Variants in MYO15A observed in about 807,000 individuals in gnomAD.
MYO15A encodes unconventional myosin-XV.
Under a neutral mutation model 394.6 loss-of-function variants are expected in MYO15A, and 308 were observed. That is an observed-to-expected ratio of 0.78 (90% CI 0.71 to 0.86). The LOEUF (loss-of-function observed/expected upper bound fraction) is 0.86, where lower values mean the gene tolerates loss of function less well. Ranked by LOEUF, MYO15A falls within the 40% of genes least tolerant of loss-of-function variation. MYO15A has a pLI of 0.00. For missense variants in MYO15A, 4,606 were observed against 4,799.1 expected, an observed-to-expected ratio of 0.96 and a Z score of 1.19; for synonymous variants, 1,957 against 2,003.8, an observed-to-expected ratio of 0.98 and a Z score of 0.62.
intron 51 of MYO15A, 31 bp downstream of exon 51, chr17:18,157,931 G>GGGGGCCC: frequency 2.4e-6 from 1 of 412,718 alleles, no homozygotes; most frequent in Non-Finnish European, 4.5e-6. Flanking sequence ...GTGGGGCGGG[G>GGGGGCCC]TAGACCAGGG....
intron 7 of MYO15A, 123 bp downstream of exon 7, chr17:18,127,288 G>A: frequency 2.4e-6 from 3 of 1,233,830 alleles, no homozygotes; most frequent in African/African-American, 1.5e-5. Flanking sequence ...AGTTCCAGAA[G>A]GGGGCCTTGC....
At chr17:18,158,860 AT>A in intron 52 of MYO15A, 64 bp from the exon 53 acceptor site, 1 of 1,590,342 alleles carries the variant, frequency 6.3e-7, no homozygotes, top group South Asian at 1.1e-5. Flanking sequence ...GTTCTTTCCC[AT>A]GTGGAAAAGG....
In MYO15A at chr17:18,119,812, C is replaced by T; in HGVS notation, c.1012C>T (p.Pro338Ser). ...YHDGYEGEAHPYGYYLDPYAP... is the reference protein window; with the variant it reads ...YHDGYEGEAHSYGYYLDPYAP... ...CGATGGGTACGAGGGCGAGGCGCACCCTTATGGCTACTACCTGGATCCCTA... is the reference window on the plus strand; with the variant it reads ...CGATGGGTACGAGGGCGAGGCGCACTCTTATGGCTACTACCTGGATCCCTA... The change falls in exon 2 of 66, where the codon CCT (proline) becomes TCT (serine). Residue 338 changes from proline to serine, a missense_variant. Pro to Ser is a moderately conservative substitution (Grantham distance 74). Coordinates refer to ENST00000647165, the MANE Select transcript of MYO15A (RefSeq NM_016239.4). The T allele has an allele frequency of 6.2e-7, 1 of 1,613,166 alleles. No individual in the cohort carries two copies. The highest frequency in any genetic ancestry group is 1.3e-5 in the African/African-American group (1 of 75,034).
At chr17:18,141,619 C>T (rs2142339037) in intron 22 of MYO15A, 34 bp from the exon 23 acceptor site, 3 of 1,601,706 alleles carry the variant, frequency 1.9e-6, no homozygotes, top group South Asian at 2.2e-5. Context: ...GGGTAGGTCT[C>T]ATAGCCCCAG....
At position 18,157,781 on chromosome 17, in the gene MYO15A, C is replaced by T. The variant is rs1223201191; in HGVS notation, c.8848C>T (p.Pro2950Ser). ...VGRFPSELVQ[P>S]AAAPDFLQLP... ...CCGCTTCCCTTCGGAGCTGGTGCAG[C>T]CCGCTGCTGCCCCCGACTTCCTGCA... The change falls in exon 51 of 66, where the codon CCC becomes TCC. Residue 2950 changes from proline to serine, a missense_variant. Transcript: ENST00000647165. The T allele has an allele frequency of 6.2e-7, 1 of 1,604,418 alleles. No homozygotes were observed. The highest frequency in any genetic ancestry group is 1.7e-5 in the Admixed American group (1 of 59,992).
rs854792 is a variant in MYO15A at position 18,126,926 on chromosome 17, T to C, written c.3941+61T>C. On this transcript the variant is annotated intron_variant, in intron 6 of 65. Coordinates refer to ENST00000647165, the MANE Select transcript of MYO15A (RefSeq NM_016239.4). ...GGACCTTAGGTAGCAGGCCTGCATC[T>C]GGCCAGAACTGCTGTGGGACCTTGG... The C allele has an allele frequency of 0.32, 518,429 of 1,603,538 alleles. 90,300 individuals are homozygous for C. Among genetic ancestry groups the C allele is most frequent in the South Asian group, 0.66 (60,122 of 90,888 alleles).
In MYO15A at chr17:18,119,543, G is replaced by C. The variant is rs562862820; in HGVS notation, c.743G>C (p.Arg248Pro). 1.9e-6 allele frequency: 3 copies of C among 1,608,636 alleles called. No individual in the cohort carries two copies. Among genetic ancestry groups the C allele is most frequent in the East Asian group, 2.2e-5 (1 of 44,854 alleles). ...YHRDGDDYYD[R>P]QSLHRYEEQE... Reference sequence around the variant, plus strand: ...CGCGACGGCGACGACTACTACGACCGGCAGTCACTCCACCGCTACGAGGAG... The same window carrying C: ...CGCGACGGCGACGACTACTACGACCCGCAGTCACTCCACCGCTACGAGGAG... Residue 248 changes from arginine to proline, a missense_variant, in exon 2 of 66, where the codon CGG becomes CCG. Transcript: ENST00000647165.
intron 12 of MYO15A, among the ~76,000 whole-genome samples, chr17:18,133,720 C>T (rs998875169): frequency 1.3e-5 from 2 of 150,776 alleles, no homozygotes; most frequent in Non-Finnish European, 3.0e-5. Context: ...TTGGCTCACT[C>T]CTGTTGGCTC....
At chr17:18,157,933 A>T in intron 51 of MYO15A, 33 bp downstream of exon 51, 2 of 1,410,386 alleles carry the variant, frequency 1.4e-6, no homozygotes, top group African/African-American at 1.4e-5. Context: ...GGGGCGGGGT[A>T]GACCAGGGGG....
Position 18,142,751 on chromosome 17 carries a change from C to A in MYO15A, c.5826-5C>A. On this transcript the variant is annotated splice_polypyrimidine_tract_variant and splice_region_variant and intron_variant, in intron 24 of 65. Coordinates refer to ENST00000647165, the MANE Select transcript of MYO15A (RefSeq NM_016239.4). The stretch of plus-strand genomic sequence containing the variant: ...ATCCCTGACCTCCCCACTACCCCAA[C>A]CCAGGCAACGCTATCAGCAGATGAG... 1 of 1,613,400 alleles carries A rather than the reference C, an allele frequency of 6.2e-7. No homozygotes were observed. Among genetic ancestry groups the A allele is most frequent in the Non-Finnish European group, 8.5e-7 (1 of 1,179,792 alleles).
chr17:18,120,745 C>T lies in MYO15A; in HGVS notation c.1945C>T (p.Pro649Ser). 6.8e-7 allele frequency: 1 copy of T among 1,463,412 alleles called. No individual in the cohort carries two copies. The highest frequency in any genetic ancestry group is 8.9e-7 in the Non-Finnish European group (1 of 1,117,830). The allele number at this position is 1,463,412 out of a possible 1,614,324, so 90.7% of individuals were successfully genotyped here. A position where few individuals can be genotyped will look rare whatever the true frequency, so the allele number is the denominator to read the frequency against. ...NDARRPPAPQ[P>S]APRTLSHWSA... Reference sequence around the variant, plus strand: ...CGCGCGCCGCCCGCCCGCGCCACAGCCCGCGCCCAGGACCCTCTCCCACTG... The same window carrying T: ...CGCGCGCCGCCCGCCCGCGCCACAGTCCGCGCCCAGGACCCTCTCCCACTG... Residue 649 changes from proline (P) to serine (S), a missense_variant, in exon 2 of 66, where the codon CCC (proline) becomes TCC (serine). Pro to Ser is a moderately conservative substitution (Grantham distance 74, BLOSUM62 -1). Coordinates refer to ENST00000647165, the MANE Select transcript of MYO15A (RefSeq NM_016239.4).
At position 18,153,632 on chromosome 17, in the gene MYO15A, A is replaced by C; in HGVS notation, c.7967-143A>C. On this transcript the variant is annotated intron_variant, in intron 42 of 65. Coordinates refer to ENST00000647165, the MANE Select transcript of MYO15A (RefSeq NM_016239.4). This position sits in a 1 kb window ranked among gnomAD's most constrained non-coding sequence, Gnocchi z 4.1. Reference sequence around the variant, plus strand: ...AGAATCGCTTGAACCCAGGAGGCGGAGCTTGCAGTGGGCCGAGATTGCGCC... The same window carrying C: ...AGAATCGCTTGAACCCAGGAGGCGGCGCTTGCAGTGGGCCGAGATTGCGCC... The C allele has an allele frequency of 1.2e-6, 1 of 816,036 alleles. No individual in the cohort carries two copies. Among genetic ancestry groups the C allele is most frequent in the South Asian group, 3.2e-5 (1 of 30,976 alleles). 50.5% of individuals were successfully genotyped at this position (816,036 alleles called of 1,614,324 possible). A position where few individuals can be genotyped will look rare whatever the true frequency, so the allele number is the denominator to read the frequency against.
Position 18,163,317 on chromosome 17 carries a change from G to A in MYO15A, c.9686G>A (p.Cys3229Tyr), listed in dbSNP as rs780798446. 2.4e-5 allele frequency: 38 copies of A among 1,613,946 alleles called. 1 individual carries two copies. In the South Asian group the frequency reaches 3.5e-4, roughly 15 times the overall value. ...GLERHLKIKT[C>Y]TVALDVVEEI... ...GAACGCCATCTCAAAATCAAAACAT[G>A]CACTGTAAGTGAAGAAATGTCTCCT... The change falls in exon 59 of 66, where the codon TGC (cysteine) becomes TAC (tyrosine). Residue 3229 changes from cysteine (C) to tyrosine (Y), a missense_variant. Transcript: ENST00000647165.
chr17:18,141,944 G>A, intron 23 of MYO15A, 135 bp from the exon 24 acceptor site: 1 of 1,262,372 alleles, frequency 7.9e-7, no homozygotes, highest in Non-Finnish European at 1.1e-6. Flanking sequence ...ACCTCTCCAA[G>A]TCCACCCCAT....
chr17:18,159,531 C>A (rs2046743192), intron 54 of MYO15A, 75 bp from the exon 55 acceptor site: 1 of 1,559,132 alleles, frequency 6.4e-7, no homozygotes, highest in Non-Finnish European at 8.8e-7. Context: ...GGGAGGGGCT[C>A]AGCCCTGGGG....
chr17:18,115,341 A>G (rs1160558348), intron 1 of MYO15A, among the ~76,000 whole-genome samples: 2 of 152,104 alleles, frequency 1.3e-5, no homozygotes, highest in East Asian at 3.9e-4. Context: ...GGTCGAGGCT[A>G]GGCTTGGTGG....
chr17:18,177,150 A>C (rs1277750195), intron 65 of MYO15A: 27 of 152,258 alleles, frequency 1.8e-4, no homozygotes, highest in Admixed American at 1.8e-3. Flanking sequence ...CATTCAGTAT[A>C]GATCCACTGA....
chr17:18,166,290 T>C (rs951897596), intron 60 of MYO15A, 71 bp from the exon 61 acceptor site: 56 of 1,588,478 alleles, frequency 3.5e-5, no homozygotes, highest in Non-Finnish European at 4.6e-5. Flanking sequence ...TCTGCACACA[T>C]GCTCTGTACA....
rs1207040555 is a variant in MYO15A at position 18,148,336 on chromosome 17, G to A, written c.6691+126G>A. ...GGGGCCTTCTCAGATGTGGCTCTGC[G>A]TGAAAGTCTGTGTGTGGGGGTGGGA... On this transcript the variant is annotated intron_variant, in intron 31 of 65. Transcript: ENST00000647165. The surrounding 1 kb of genome is among the most constrained non-coding windows in gnomAD (Gnocchi z 4.8). The A allele has an allele frequency of 1.1e-4, 157 of 1,470,254 alleles. 2 individuals carry two copies. The South Asian group carries it at 1.3e-3, about 13-fold the overall frequency. The allele number at this position is 1,470,254 out of a possible 1,614,324, so 91.1% of individuals were successfully genotyped here. A position where few individuals can be genotyped will look rare whatever the true frequency, so the allele number is the denominator to read the frequency against.
Sources: allele counts gnomAD v4.1 joint callset (sites outside exome capture counted in the v4.1 genomes callset), GRCh38; gene constraint gnomAD v4.1.1; non-coding constraint Gnocchi (gnomAD v3.1); transcripts MANE v1.5; gene names NCBI Gene and HGNC (gene_info 2026-07-23, HGNC 2026-07-21).